ARHGAP15: variants seen among roughly 807,000 people sequenced by gnomAD.
The protein encoded by ARHGAP15 is Rho GTPase activating protein 15.
A neutral mutation model predicts 63.7 loss-of-function variants in ARHGAP15; 51 were observed. That is an observed-to-expected ratio of 0.80 (90% CI 0.64 to 1.01). The LOEUF is 1.01. Among genes scored for constraint, ARHGAP15 ranks in the 50% least tolerant of loss-of-function variants. The pLI is 0.00. For missense variants in ARHGAP15, 560 were observed against 564.6 expected (o/e 0.99, Z 0.08); for synonymous variants, 191 against 193.8 (o/e 0.99, Z 0.12).
At position 143,366,203 on chromosome 2, in the gene ARHGAP15, T is replaced by C. The variant is rs1420447467; in HGVS notation, c.475-69398T>C. Among the ~76,000 whole-genome samples, 5 of 152,182 alleles carry C rather than the reference T, an allele frequency of 3.3e-5. 1 individual carries two copies. ...AATTTTGTATCCTCACAGCATTAAA[T>C]ATGCTATTTTTTCAAGTAACAGATC... On this transcript the variant is annotated intron_variant, in intron 6 of 13. Coordinates refer to ENST00000295095, the MANE Select transcript of ARHGAP15 (RefSeq NM_018460.4).
At chr2:143,599,014 G>T (rs1697648504) in intron 11 of ARHGAP15, among the ~76,000 whole-genome samples, 1 of 151,868 alleles carries the variant, frequency 6.6e-6, no homozygotes, top group South Asian at 2.1e-4. Flanking sequence ...CAAAAACTCT[G>T]AGAAATATAT....
At chr2:143,580,663 C>CTTAAAATATTTAATATTTTAATACT (rs1448322783) in intron 11 of ARHGAP15, among the ~76,000 whole-genome samples, 4 of 151,844 alleles carry the variant, frequency 2.6e-5, no homozygotes, top group African/African-American at 7.2e-5. Flanking sequence ...ATTTTAATAC[C>CTTAAAATATTTAATATTTTAATACT]TTAAAATATT....
intron 9 of ARHGAP15, among the ~76,000 whole-genome samples, chr2:143,500,253 ATACT>A (rs1366417366): frequency 6.7e-6 from 1 of 149,496 alleles, no homozygotes; most frequent in Non-Finnish European, 1.5e-5. Context: ...ATTTTTATAT[ATACT>A]TTTTTAATAT....
At chr2:143,530,115 C>T (rs987089190) in intron 10 of ARHGAP15, among the ~76,000 whole-genome samples, 9 of 152,156 alleles carry the variant, frequency 5.9e-5, no homozygotes, top group African/African-American at 9.7e-5. Context: ...TACAGATTGA[C>T]GATTCAGTGA....
intron 10 of ARHGAP15, among the ~76,000 whole-genome samples, chr2:143,540,819 T>G (rs905994087): frequency 2.0e-5 from 3 of 152,194 alleles, no homozygotes; most frequent in African/African-American, 7.2e-5. Context: ...ATTTTTTCCT[T>G]CATTTCAACT....
At chr2:143,460,192 C>T (rs901247943) in intron 8 of ARHGAP15, among the ~76,000 whole-genome samples, 1 of 152,042 alleles carries the variant, frequency 6.6e-6, no homozygotes, top group Non-Finnish European at 1.5e-5. Flanking sequence ...AAATATAGCA[C>T]AATTGTGATG....
At chr2:143,400,425 G>A (rs1409104989) in intron 6 of ARHGAP15, among the ~76,000 whole-genome samples, 2 of 151,912 alleles carry the variant, frequency 1.3e-5, no homozygotes, top group Admixed American at 1.3e-4. Flanking sequence ...TTTGTTTACT[G>A]AGACCCTGTA....
chr2:143,578,246 A>G (rs1574656523), intron 11 of ARHGAP15, among the ~76,000 whole-genome samples: 1 of 150,970 alleles, frequency 6.6e-6, no homozygotes, highest in East Asian at 2.0e-4. Context: ...CAAAAACCAC[A>G]TGCTTTCAAG....
chr2:143,413,672 C>A (rs77887260), intron 6 of ARHGAP15, among the ~76,000 whole-genome samples: 2 of 152,104 alleles, frequency 1.3e-5, no homozygotes, highest in East Asian at 3.8e-4. Context: ...TGGGGTCTTA[C>A]TATGTTGCCC....
intron 8 of ARHGAP15, among the ~76,000 whole-genome samples, chr2:143,485,933 T>C (rs1244157981): frequency 2.6e-5 from 4 of 152,200 alleles, no homozygotes; most frequent in Admixed American, 6.5e-5. Context: ...TCCACCCTTC[T>C]CCCAGCTAGG....
chr2:143,618,346 C>T (rs1398074582), intron 11 of ARHGAP15, among the ~76,000 whole-genome samples: 1 of 152,184 alleles, frequency 6.6e-6, no homozygotes, highest in African/African-American at 2.4e-5. Context: ...TCGATCATCC[C>T]TCTGGCATCT....
intron 11 of ARHGAP15, among the ~76,000 whole-genome samples, chr2:143,581,617 G>C (rs1167357958): frequency 6.6e-6 from 1 of 152,122 alleles, no homozygotes; most frequent in Admixed American, 6.5e-5. Context: ...AGCAAGTAGG[G>C]AGGGCTTGTT....
chr2:143,637,291 T>C (rs1367041116), intron 12 of ARHGAP15, among the ~76,000 whole-genome samples: 2 of 152,166 alleles, frequency 1.3e-5, no homozygotes, highest in Non-Finnish European at 2.9e-5. Flanking sequence ...CTTACTATGA[T>C]AAAATATTTG....
Position 143,501,277 on chromosome 2 carries a change from T to G in ARHGAP15, c.826+13782T>G, listed in dbSNP as rs76490336. On this transcript the variant is annotated intron_variant, in intron 9 of 13. Coordinates refer to ENST00000295095, the MANE Select transcript of ARHGAP15 (RefSeq NM_018460.4). ...TGGACAGTGAAATACGATGTTTACATCTTTTGTGACTTCACATTTTAAATG... is the reference window on the plus strand; with the variant it reads ...TGGACAGTGAAATACGATGTTTACAGCTTTTGTGACTTCACATTTTAAATG... Among the ~76,000 whole-genome samples the G allele has an allele frequency of 3.0e-3, 457 of 152,374 alleles. 4 individuals are homozygous for G. The highest frequency in any genetic ancestry group is 0.01 in the African/African-American group (432 of 41,588).
At chr2:143,549,815 T>G (rs1356168960) in intron 10 of ARHGAP15, among the ~76,000 whole-genome samples, 2 of 152,208 alleles carry the variant, frequency 1.3e-5, no homozygotes, top group African/African-American at 2.4e-5. Context: ...CTTACTTTGA[T>G]AACTGGGGAG....
At chr2:143,341,150 A>G (rs1685041730) in intron 6 of ARHGAP15, among the ~76,000 whole-genome samples, 1 of 152,074 alleles carries the variant, frequency 6.6e-6, no homozygotes, top group African/African-American at 2.4e-5. Context: ...CACATCATCC[A>G]TTAGATATGG....
intron 6 of ARHGAP15, among the ~76,000 whole-genome samples, chr2:143,411,600 G>T (rs948419245): frequency 6.6e-6 from 1 of 152,064 alleles, no homozygotes; most frequent in Non-Finnish European, 1.5e-5. Flanking sequence ...GCAGAGTAAC[G>T]CATGGCACTC....
chr2:143,504,167 A>G (rs1693198827), intron 9 of ARHGAP15, among the ~76,000 whole-genome samples: 1 of 152,240 alleles, frequency 6.6e-6, no homozygotes, highest in African/African-American at 2.4e-5. Context: ...TGATGAGAAG[A>G]AGTGTCTGTG....
At chr2:143,734,797 G>T (rs563335055) in intron 13 of ARHGAP15, among the ~76,000 whole-genome samples, 2 of 152,270 alleles carry the variant, frequency 1.3e-5, no homozygotes, top group South Asian at 2.1e-4. Flanking sequence ...TTTCTACATG[G>T]ATATGTATAC....
Sources: allele counts gnomAD v4.1 joint callset (sites outside exome capture counted in the v4.1 genomes callset), GRCh38; gene constraint gnomAD v4.1.1; transcripts MANE v1.5; gene names NCBI Gene and HGNC (gene_info 2026-07-23, HGNC 2026-07-21).